Variants in IQCM observed in about 807,000 individuals in gnomAD.
IQCM encodes IQ motif containing M, also known as IQ domain-containing protein M.
A neutral mutation model predicts 57.6 loss-of-function variants in IQCM; 45 were observed. The observed-to-expected ratio is 0.78, with a 90% CI of 0.62 to 1.00. IQCM has a LOEUF of 1.00. Among genes scored for constraint, IQCM ranks in the 50% least tolerant of loss-of-function variants. The pLI, the probability that IQCM is intolerant of heterozygous loss-of-function variation, is 0.00. For synonymous variants in IQCM, 148 were observed against 158.9 expected, an observed-to-expected ratio of 0.93 and a Z score of 0.51; for missense variants, 468 against 511.6, an observed-to-expected ratio of 0.91 and a Z score of 0.82.
At chr4:149,679,683 A>C (rs1762034966) in intron 7 of IQCM, among the ~76,000 whole-genome samples, 1 of 151,416 alleles carries the variant, frequency 6.6e-6, no homozygotes, top group Admixed American at 6.6e-5. Context: ...ATTGGGTGAT[A>C]ATTTGAGTCC....
chr4:149,608,670 A>G (rs1755007913), intron 8 of IQCM, among the ~76,000 whole-genome samples: 1 of 151,898 alleles, frequency 6.6e-6, no homozygotes, highest in Non-Finnish European at 1.5e-5. Context: ...TAGTGGGTCA[A>G]TTAAAAAATT....
chr4:149,510,731 C>A (rs754326785), intron 12 of IQCM, among the ~76,000 whole-genome samples: 16 of 152,026 alleles, frequency 1.1e-4, no homozygotes, highest in Non-Finnish European at 2.1e-4. Flanking sequence ...CATAAAATGA[C>A]CCTAAATTTG....
intron 13 of IQCM, among the ~76,000 whole-genome samples, chr4:149,385,264 C>T (rs1004720436): frequency 1.3e-5 from 2 of 152,018 alleles, no homozygotes; most frequent in Admixed American, 6.6e-5. Flanking sequence ...AGGGAAGTCA[C>T]GATGCCTTTC....
chr4:149,457,706 A>G (rs1349346354), intron 12 of IQCM, among the ~76,000 whole-genome samples: 4 of 152,070 alleles, frequency 2.6e-5, no homozygotes, highest in African/African-American at 9.7e-5. Flanking sequence ...AACAAAGGGT[A>G]CCATGATGCC....
chr4:149,711,253 C>T (rs1764540402), intron 5 of IQCM: 1 of 152,138 alleles, frequency 6.6e-6, no homozygotes, highest in Admixed American at 6.5e-5. Context: ...GAGTCACTTC[C>T]ATACTCCCAA....
chr4:149,598,733 T>G (rs1754001571), intron 8 of IQCM, among the ~76,000 whole-genome samples: 1 of 152,188 alleles, frequency 6.6e-6, no homozygotes, highest in Non-Finnish European at 1.5e-5. Context: ...GTTAAAACTT[T>G]GACAGTATTA....
chr4:149,782,692 A>C (rs1264965345), intron 2 of IQCM, among the ~76,000 whole-genome samples: 1 of 152,082 alleles, frequency 6.6e-6, no homozygotes, highest in Non-Finnish European at 1.5e-5. Context: ...AAAAAAAAAA[A>C]ACACCACTAT....
At chr4:149,498,423 G>T (rs575535709) in intron 12 of IQCM, among the ~76,000 whole-genome samples, 1 of 152,106 alleles carries the variant, frequency 6.6e-6, no homozygotes, top group Non-Finnish European at 1.5e-5. Flanking sequence ...TTATCTTCCT[G>T]GCAGATCATG....
At chr4:149,394,713 A>G (rs1425460019) in intron 13 of IQCM, among the ~76,000 whole-genome samples, 1 of 152,006 alleles carries the variant, frequency 6.6e-6, no homozygotes. Flanking sequence ...CCACTACTTG[A>G]AAACTGGCGT....
At chr4:149,412,495 A>G (rs1230497868) in intron 13 of IQCM, among the ~76,000 whole-genome samples, 4 of 152,142 alleles carry the variant, frequency 2.6e-5, no homozygotes, top group Admixed American at 1.3e-4. Context: ...GGTTATAAGC[A>G]GTAGTAGTAC....
At chr4:149,462,842 G>T (rs1013793134) in intron 12 of IQCM, among the ~76,000 whole-genome samples, 1 of 152,194 alleles carries the variant, frequency 6.6e-6, no homozygotes. Context: ...AACTCTAGAA[G>T]GCAGACTGCT....
At chr4:149,550,434 G>A (rs1748914869) in intron 11 of IQCM, among the ~76,000 whole-genome samples, 1 of 152,022 alleles carries the variant, frequency 6.6e-6, no homozygotes, top group Admixed American at 6.5e-5. Flanking sequence ...TTTTACTTTT[G>A]TGATTAAGTA....
intron 7 of IQCM, among the ~76,000 whole-genome samples, chr4:149,652,740 G>A (rs1759308032): frequency 6.6e-6 from 1 of 151,878 alleles, no homozygotes; most frequent in African/African-American, 2.4e-5. Flanking sequence ...CTTAAAAGGA[G>A]TAAAAGAAAA....
chr4:149,643,972 A>G (rs1213475311), intron 7 of IQCM, among the ~76,000 whole-genome samples: 1 of 152,142 alleles, frequency 6.6e-6, no homozygotes, highest in Non-Finnish European at 1.5e-5. Flanking sequence ...TTTTAGTGAT[A>G]AAGTGGTCTA....
intron 12 of IQCM, among the ~76,000 whole-genome samples, chr4:149,496,587 C>T (rs1227399236): frequency 6.6e-6 from 1 of 152,066 alleles, no homozygotes; most frequent in Non-Finnish European, 1.5e-5. Flanking sequence ...AGAATGCAGG[C>T]AGCTCCTAGA....
intron 12 of IQCM, among the ~76,000 whole-genome samples, chr4:149,517,114 GAAAAA>G (rs34555374): frequency 6.0e-5 from 5 of 83,906 alleles, no homozygotes; most frequent in Non-Finnish European, 8.7e-5. Context: ...ACTCCACCAG[GAAAAA>G]AAAAAAAAAA....
intron 8 of IQCM, among the ~76,000 whole-genome samples, chr4:149,593,852 G>A (rs988259484): frequency 1.3e-4 from 20 of 152,088 alleles, no homozygotes; most frequent in Non-Finnish European, 2.5e-4. Flanking sequence ...TGCTGGATTC[G>A]GTTTTTCAGT....
chr4:149,666,084 T>C (rs1760695148), intron 7 of IQCM: 1 of 152,312 alleles, frequency 6.6e-6, no homozygotes, highest in Admixed American at 6.5e-5. Context: ...TGGCCTATTG[T>C]GGGACTTCAC....
At chr4:149,448,866 T>C (rs1736787559) in intron 12 of IQCM, among the ~76,000 whole-genome samples, 1 of 151,730 alleles carries the variant, frequency 6.6e-6, no homozygotes, top group Non-Finnish European at 1.5e-5. Context: ...CATGCCCAGA[T>C]GGCTTCAGTG....
Sources: allele counts gnomAD v4.1 joint callset (sites outside exome capture counted in the v4.1 genomes callset), GRCh38; gene constraint gnomAD v4.1.1; transcripts MANE v1.5; gene names NCBI Gene and HGNC (gene_info 2026-07-23, HGNC 2026-07-21).